Variants in TBC1D12 observed in about 807,000 individuals in gnomAD.
The protein encoded by TBC1D12 is TBC1 domain family member 12, also known as TBC1 domain family, member 12.
Under a neutral mutation model 86.7 loss-of-function variants are expected in TBC1D12, and 56 were observed. The observed-to-expected ratio is 0.65, with a 90% CI of 0.52 to 0.81. The LOEUF (loss-of-function observed/expected upper bound fraction) is 0.81. Among genes scored for constraint, TBC1D12 ranks in the 30% least tolerant of loss-of-function variants. The probability of loss-of-function intolerance (pLI) is 0.00; values close to 1 mark genes in which losing one functional copy is unlikely to be tolerated. For synonymous variants in TBC1D12, 421 were observed against 411.7 expected, an observed-to-expected ratio of 1.02 and a Z score of -0.27; for missense variants, 1,023 against 1,038.8, an observed-to-expected ratio of 0.98 and a Z score of 0.21.
intron 1 of TBC1D12, among the ~76,000 whole-genome samples, chr10:94,441,523 T>C (rs79148751): frequency 0.02 from 3,037 of 152,224 alleles, 119 homozygotes; most frequent in African/African-American, 0.07. Flanking sequence ...TTCCAATTTG[T>C]TTATCTTTTT....
chr10:94,501,692 G>A (rs2056399793), intron 6 of TBC1D12, among the ~76,000 whole-genome samples: 1 of 151,390 alleles, frequency 6.6e-6, no homozygotes, highest in South Asian at 2.1e-4. Flanking sequence ...GACTACAGGT[G>A]TGTACCACCA....
At chr10:94,425,389 G>C (rs1268147698) in intron 1 of TBC1D12, among the ~76,000 whole-genome samples, 1 of 152,114 alleles carries the variant, frequency 6.6e-6, no homozygotes, top group Non-Finnish European at 1.5e-5. Context: ...AAAGAAAAAT[G>C]GTCAATTTTG....
In TBC1D12 at chr10:94,493,452, A is replaced by C. The variant is rs765917383; in HGVS notation, c.1294+5A>C. On this transcript the variant is annotated splice_donor_5th_base_variant and intron_variant, in intron 4 of 12. Coordinates refer to ENST00000225235, the MANE Select transcript of TBC1D12 (RefSeq NM_015188.2). Reference sequence around the variant, plus strand: ...TGGCTGAGGCTAAAAAACGAGGTATAAAATTTAACTCCAAATGGTATAATT... The same window carrying C: ...TGGCTGAGGCTAAAAAACGAGGTATCAAATTTAACTCCAAATGGTATAATT... The C allele has an allele frequency of 1.3e-6, 2 of 1,598,960 alleles. No homozygotes were observed. The highest frequency in any genetic ancestry group is 1.7e-6 in the Non-Finnish European group (2 of 1,169,368).
At position 94,513,801 on chromosome 10, in the gene TBC1D12, C is replaced by T. The variant is rs549971659; in HGVS notation, c.1761+2147C>T. Among the ~76,000 whole-genome samples, 6 of 152,156 alleles carry T rather than the reference C, an allele frequency of 3.9e-5. No homozygotes were observed. In the East Asian group the frequency reaches 5.8e-4, roughly 15 times the overall value. Reference sequence around the variant, plus strand: ...TCTTGAACTCCTGGCTCAAGTGACCCGCCTGCATTGGTCTCCCATAGTGCT... The same window carrying T: ...TCTTGAACTCCTGGCTCAAGTGACCTGCCTGCATTGGTCTCCCATAGTGCT... On this transcript the variant is annotated intron_variant, in intron 9 of 12. Coordinates refer to ENST00000225235, the MANE Select transcript of TBC1D12 (RefSeq NM_015188.2).
chr10:94,464,766 A>G lies in TBC1D12; in HGVS notation c.1096-9902A>G, dbSNP rs530069556. On this transcript the variant is annotated intron_variant, in intron 2 of 12. Coordinates refer to ENST00000225235, the MANE Select transcript of TBC1D12 (RefSeq NM_015188.2). ...AAACTGAAGTGTTCAAGTATTAATCATTTAAATATCACAAGAATAAAGCTA... is the reference window on the plus strand; with the variant it reads ...AAACTGAAGTGTTCAAGTATTAATCGTTTAAATATCACAAGAATAAAGCTA... 2.6e-5 allele frequency among the ~76,000 whole-genome samples: 4 copies of G among 152,358 alleles called. No individual in the cohort carries two copies. In the East Asian group the frequency reaches 5.8e-4, roughly 22 times the overall value.
chr10:94,428,822 G>A (rs902816503), intron 1 of TBC1D12, among the ~76,000 whole-genome samples: 2 of 149,860 alleles, frequency 1.3e-5, no homozygotes, highest in Non-Finnish European at 3.0e-5. Flanking sequence ...TGATCCTCCC[G>A]CTTCAGCCTT....
At chr10:94,505,672 A>T (rs554177554) in intron 6 of TBC1D12, among the ~76,000 whole-genome samples, 1 of 152,260 alleles carries the variant, frequency 6.6e-6, no homozygotes, top group South Asian at 2.1e-4. Context: ...AAGGGAGAAA[A>T]GATTAGAATA....
intron 1 of TBC1D12, among the ~76,000 whole-genome samples, chr10:94,403,994 T>G (rs2054814825): frequency 6.6e-6 from 1 of 150,708 alleles, no homozygotes; most frequent in South Asian, 2.1e-4. Context: ...GTTGGGGGGG[T>G]GGTGAGGGGA....
intron 2 of TBC1D12, among the ~76,000 whole-genome samples, chr10:94,458,987 C>T (rs1049768654): frequency 2.0e-5 from 3 of 152,112 alleles, no homozygotes; most frequent in African/African-American, 4.8e-5. Context: ...GGGACCCAAG[C>T]GGGTTGGCGT....
intron 2 of TBC1D12, among the ~76,000 whole-genome samples, chr10:94,473,777 T>C (rs1036820523): frequency 2.0e-5 from 3 of 152,224 alleles, no homozygotes; most frequent in Admixed American, 6.5e-5. Flanking sequence ...GGCAAATTTC[T>C]ATAAATAAAT....
intron 1 of TBC1D12, among the ~76,000 whole-genome samples, chr10:94,416,105 A>G (rs59365366): frequency 0.022 from 3,327 of 152,258 alleles, 125 homozygotes; most frequent in African/African-American, 0.074. Flanking sequence ...ACATAACACT[A>G]TGTAGGGAAA....
At chr10:94,424,876 T>C (rs1192426403) in intron 1 of TBC1D12, among the ~76,000 whole-genome samples, 1 of 152,180 alleles carries the variant, frequency 6.6e-6, no homozygotes, top group African/African-American at 2.4e-5. Context: ...CACTGTGGCA[T>C]GTCTGCACAA....
intron 6 of TBC1D12, among the ~76,000 whole-genome samples, chr10:94,504,647 C>T (rs1161732678): frequency 6.6e-6 from 1 of 152,086 alleles, no homozygotes; most frequent in East Asian, 1.9e-4. Context: ...CTTGGTTCCA[C>T]CATAATATAT....
intron 1 of TBC1D12, among the ~76,000 whole-genome samples, chr10:94,438,843 T>G (rs1414456986): frequency 6.6e-6 from 1 of 151,942 alleles, no homozygotes; most frequent in Admixed American, 6.6e-5. Context: ...TTGCTCTGTC[T>G]CCCAGGCTGG....
At chr10:94,431,847 G>A (rs549233837) in intron 1 of TBC1D12, among the ~76,000 whole-genome samples, 1 of 152,272 alleles carries the variant, frequency 6.6e-6, no homozygotes, top group African/African-American at 2.4e-5. Context: ...TGGTCCCTCA[G>A]GTGGGGATGA....
In TBC1D12 at chr10:94,534,984, G is replaced by T. The variant is rs1459680198; in HGVS notation, c.*1888G>T. 1 of 152,160 alleles carries T rather than the reference G, an allele frequency of 6.6e-6. No individual in the cohort carries two copies. The highest frequency in any genetic ancestry group is 1.5e-5 in the Non-Finnish European group (1 of 68,048). The allele number at this position is 152,160 out of a possible 1,614,324, so 9.4% of individuals were successfully genotyped here. A position where few individuals can be genotyped will look rare whatever the true frequency, so the allele number is the denominator to read the frequency against. On this transcript the variant is annotated 3_prime_UTR_variant, in exon 13 of 13. Transcript: ENST00000225235. ...TAGCAACATTAACAGTCTTTTCCCA[G>T]TCAGGTGCTGTCCAGGGAACATGTT...
At chr10:94,498,505 G>T (rs113654780) in intron 5 of TBC1D12, among the ~76,000 whole-genome samples, 26 of 152,102 alleles carry the variant, frequency 1.7e-4, no homozygotes, top group African/African-American at 5.8e-4. Flanking sequence ...CCAGGCTGGA[G>T]TGCAGTGGCG....
chr10:94,415,989 T>G (rs550300867), intron 1 of TBC1D12, among the ~76,000 whole-genome samples: 6 of 152,288 alleles, frequency 3.9e-5, no homozygotes, highest in African/African-American at 1.4e-4. Context: ...TTTTCTTGAG[T>G]AAAATAATAA....
intron 11 of TBC1D12, among the ~76,000 whole-genome samples, chr10:94,526,582 T>G (rs558028007): frequency 2.8e-4 from 42 of 152,356 alleles, no homozygotes; most frequent in African/African-American, 9.4e-4. Flanking sequence ...TTTTTGTGGC[T>G]TAGTAGCATT....
Sources: gnomAD v4.1 joint callset for allele counts (sites outside exome capture counted in the v4.1 genomes callset) on GRCh38, gnomAD v4.1.1 for gene constraint, MANE v1.5 for transcripts, NCBI Gene and HGNC (gene_info 2026-07-23, HGNC 2026-07-21) for gene names.